Variants in DPP9 observed in about 807,000 individuals in gnomAD.
The protein encoded by DPP9 is dipeptidyl peptidase IV-related protein-2.
In DPP9, 50 loss-of-function variants were observed where a neutral mutation model predicts 110.7. That is an observed-to-expected ratio of 0.45 (90% CI 0.36 to 0.57). The LOEUF (loss-of-function observed/expected upper bound fraction) is 0.57, where lower values mean the gene tolerates loss of function less well. Ranked by LOEUF, DPP9 falls within the 20% of genes least tolerant of loss-of-function variation. The pLI, the probability that DPP9 is intolerant of heterozygous loss-of-function variation, is 0.00. For synonymous variants in DPP9, 561 were observed against 514.4 expected, an observed-to-expected ratio of 1.09 and a Z score of -1.23; for missense variants, 1,022 against 1,217.9, an observed-to-expected ratio of 0.84 and a Z score of 2.39.
Position 4,697,695 on chromosome 19 carries a change from G to A in DPP9, c.1075-44C>T, listed in dbSNP as rs567105559. The stretch of plus-strand genomic sequence containing the variant: ...GTGTGGGTCATGCCCTGGCCTGCCC[G>A]GCGCTGCTCGGAGGAGAAGGCCACT... On this transcript the variant is annotated intron_variant, in intron 10 of 21. Transcript: ENST00000262960. 1.2e-4 allele frequency: 193 copies of A among 1,554,284 alleles called. 4 individuals carry two copies. The South Asian group carries it at 1.5e-3, about 12-fold the overall frequency.
At chr19:4,703,050 C>T (rs868797433) in intron 7 of DPP9, among the ~76,000 whole-genome samples, 3 of 151,658 alleles carry the variant, frequency 2.0e-5, no homozygotes, top group Non-Finnish European at 2.9e-5. Context: ...CGTCTAAAAA[C>T]GTCTCTGGAC....
chr19:4,691,027 C>T, intron 13 of DPP9, 70 bp from the exon 14 acceptor site: 5 of 1,216,140 alleles, frequency 4.1e-6, no homozygotes, highest in Non-Finnish European at 5.9e-6. Flanking sequence ...GCACCCAGGC[C>T]AAATTCCACC....
intron 4 of DPP9, among the ~76,000 whole-genome samples, chr19:4,706,472 T>C (rs2092591002): frequency 6.6e-6 from 1 of 152,068 alleles, no homozygotes; most frequent in Admixed American, 6.6e-5. Context: ...TCAAGGCTTT[T>C]GCAGACGACA....
Position 4,704,171 on chromosome 19 carries a change from C to G in DPP9, c.560G>C (p.Ser187Thr), listed in dbSNP as rs1301316799. Residue 187 changes from serine to threonine, a missense_variant, in exon 6 of 22, where the codon AGC becomes ACC. Around this residue, in one of 3 missense-constraint regions of DPP9, gnomAD observed 810 missense variants for 920.6 expected, o/e 0.88. Coordinates refer to ENST00000262960, the MANE Select transcript of DPP9 (RefSeq NM_139159.5). The surrounding 1 kb of genome is among the most constrained non-coding windows in gnomAD (Gnocchi z 6.0). Reference sequence around the variant, plus strand: ...GCCGCCGTCGCGGCAGTGGAAGAGGCTGTTGCTGGCCTGGAAGAGGAAGAG... The same window carrying G: ...GCCGCCGTCGCGGCAGTGGAAGAGGGTGTTGCTGGCCTGGAAGAGGAAGAG... ...SGLFLFQASN[S>T]LFHCRDGGKN... 1.9e-6 allele frequency: 3 copies of G among 1,613,906 alleles called. No individual in the cohort carries two copies. The highest frequency in any genetic ancestry group is 2.2e-5 in the East Asian group (1 of 44,894).
chr19:4,676,463 T>C lies in DPP9; in HGVS notation c.*101A>G, dbSNP rs2088839728. 1 of 1,020,858 alleles carries C rather than the reference T, an allele frequency of 9.8e-7. No homozygotes were observed. Among genetic ancestry groups the C allele is most frequent in the African/African-American group, 1.6e-5 (1 of 62,862 alleles). 63.2% of individuals were successfully genotyped at this position (1,020,858 alleles called of 1,614,324 possible). On this transcript the variant is annotated 3_prime_UTR_variant, in exon 22 of 22. Coordinates refer to ENST00000262960, the MANE Select transcript of DPP9 (RefSeq NM_139159.5). The surrounding 1 kb of genome is among the most constrained non-coding windows in gnomAD (Gnocchi z 4.0). Reference sequence around the variant, plus strand: ...CTGGCCAGCGCTGGGCGGGACAAAGTGCCTCACTGGGGCCCGCGGGCCACT... The same window carrying C: ...CTGGCCAGCGCTGGGCGGGACAAAGCGCCTCACTGGGGCCCGCGGGCCACT...
intron 2 of DPP9, among the ~76,000 whole-genome samples, chr19:4,721,357 G>A (rs1489603620): frequency 6.6e-6 from 1 of 152,214 alleles, no homozygotes; most frequent in Non-Finnish European, 1.5e-5. Context: ...AACATTTCAG[G>A]TTGAATGAAT....
At chr19:4,711,329 CAG>C (rs148245760) in intron 4 of DPP9, among the ~76,000 whole-genome samples, 1,681 of 152,200 alleles carry the variant, frequency 0.011, 25 homozygotes, top group African/African-American at 0.039. Context: ...ATGGCCCTGA[CAG>C]AGAGGTGTCC....
chr19:4,709,089 T>C (rs999572189), intron 4 of DPP9, among the ~76,000 whole-genome samples: 4 of 152,136 alleles, frequency 2.6e-5, no homozygotes, highest in Non-Finnish European at 4.4e-5. Context: ...GGCTAATTTT[T>C]TGTAGTTTTA....
At position 4,720,808 on chromosome 19, in the gene DPP9, C is replaced by T. The variant is rs145240510; in HGVS notation, c.-35-867G>A. Among the ~76,000 whole-genome samples the T allele has an allele frequency of 5.4e-4, 82 of 152,318 alleles. 2 individuals carry two copies. In the East Asian group the frequency reaches 0.014, roughly 27 times the overall value. ...ATGCCAAGCCGGAGACCCCTGCATC[C>T]ATTACTTGGGGAGAAACTTGAGTTC... is the stretch of plus-strand genomic sequence containing the variant. On this transcript the variant is annotated intron_variant, in intron 2 of 21. Transcript: ENST00000262960.
At chr19:4,709,732 T>C (rs1018554934) in intron 4 of DPP9, among the ~76,000 whole-genome samples, 1 of 147,896 alleles carries the variant, frequency 6.8e-6, no homozygotes, top group Admixed American at 6.7e-5. Context: ...AATGCGTGAC[T>C]AAAAGCCACT....
At chr19:4,719,827 C>G (rs1034819086) in intron 3 of DPP9, 24 bp downstream of exon 3, 2 of 1,551,504 alleles carry the variant, frequency 1.3e-6, no homozygotes, top group East Asian at 2.4e-5. Context: ...CCTCACGGAT[C>G]AGGGCCTCCG....
intron 19 of DPP9, 72 bp downstream of exon 19, chr19:4,683,405 G>A (rs1463600958): frequency 6.3e-7 from 1 of 1,594,124 alleles, no homozygotes; most frequent in East Asian, 2.3e-5. Context: ...CGCGGGCGGT[G>A]GGCAAACGCG....
intron 21 of DPP9, 94 bp downstream of exon 21, chr19:4,679,740 TG>T: frequency 1.1e-6 from 1 of 943,270 alleles, no homozygotes; most frequent in Non-Finnish European, 1.7e-6. Flanking sequence ...AGGGAGCCCC[TG>T]GTCACAGTGG....
chr19:4,681,186 C>T (rs1282070813), intron 20 of DPP9, among the ~76,000 whole-genome samples: 3 of 152,144 alleles, frequency 2.0e-5, no homozygotes, highest in Admixed American at 6.6e-5. Flanking sequence ...GTGGCTGCCC[C>T]GGGACAGGGA....
Position 4,685,283 on chromosome 19 carries a change from C to T in DPP9, c.2031+343G>A. The T allele has an allele frequency of 1.8e-6, 1 of 546,294 alleles. No individual in the cohort carries two copies. Among genetic ancestry groups the T allele is most frequent in the Non-Finnish European group, 3.5e-6 (1 of 285,328 alleles). The allele number at this position is 546,294 out of a possible 1,614,324, so 33.8% of individuals were successfully genotyped here. On this transcript the variant is annotated intron_variant, in intron 17 of 21. Transcript: ENST00000262960. The surrounding 1 kb of genome is among the most constrained non-coding windows in gnomAD (Gnocchi z 5.8). ...GGTCCAACTGCCAATCTGCTGCCTGCTTTTGACCCCTGCTCCAGGAATTGG... is the reference window on the plus strand; with the variant it reads ...GGTCCAACTGCCAATCTGCTGCCTGTTTTTGACCCCTGCTCCAGGAATTGG...
At chr19:4,712,359 G>A (rs780828351) in intron 4 of DPP9, among the ~76,000 whole-genome samples, 1 of 152,070 alleles carries the variant, frequency 6.6e-6, no homozygotes, top group Non-Finnish European at 1.5e-5. Flanking sequence ...GACCAGCTTG[G>A]GCAACACGGC....
chr19:4,677,507 G>A (rs1483161335), intron 21 of DPP9, among the ~76,000 whole-genome samples: 2 of 152,160 alleles, frequency 1.3e-5, no homozygotes, highest in African/African-American at 2.4e-5. Flanking sequence ...CCCTGGGAAT[G>A]CACCAAGCCA....
At chr19:4,678,757 A>C (rs552194518) in intron 21 of DPP9, among the ~76,000 whole-genome samples, 33 of 152,130 alleles carry the variant, frequency 2.2e-4, no homozygotes, top group African/African-American at 7.7e-4. Context: ...TCCCCACAGG[A>C]CAGAGCATGC....
At chr19:4,679,602 G>A in intron 21 of DPP9, 1 of 545,052 alleles carries the variant, frequency 1.8e-6, no homozygotes, top group Non-Finnish European at 3.3e-6. Flanking sequence ...CCGATCCCGT[G>A]CTTCCAGCAC....
Sources: gnomAD v4.1 joint callset for allele counts (sites outside exome capture counted in the v4.1 genomes callset) on GRCh38, gnomAD v4.1.1 for gene constraint, gnomAD v4.1.1 regional missense constraint, Gnocchi (gnomAD v3.1) non-coding constraint, MANE v1.5 for transcripts, NCBI Gene and HGNC (gene_info 2026-07-23, HGNC 2026-07-21) for gene names.